Variants in CLDN16 observed in about 807,000 individuals in gnomAD.
CLDN16 encodes the protein claudin 16, also known as claudin-16.
Under a neutral mutation model 24.6 loss-of-function variants are expected in CLDN16, and 13 were observed. That is an observed-to-expected ratio of 0.53 (90% CI 0.34 to 0.84). The LOEUF (loss-of-function observed/expected upper bound fraction) is 0.84. Ranked by LOEUF, CLDN16 falls within the 40% of genes least tolerant of loss-of-function variation. The probability of loss-of-function intolerance (pLI) is 0.01; values close to 1 mark genes in which losing one functional copy is unlikely to be tolerated. For missense variants in CLDN16, 298 were observed against 292.7 expected (o/e 1.02, Z -0.13); for synonymous variants, 116 against 106.7 (o/e 1.09, Z -0.54).
At chr3:190,391,254 T>G (rs55718103) in intron 1 of CLDN16, among the ~76,000 whole-genome samples, 27,053 of 149,248 alleles carry the variant, frequency 0.18, 2,899 homozygotes, top group Middle Eastern at 0.28. Context: ...TGGCACGGGA[T>G]TTAGAAGAAG....
chr3:190,312,831 A>T, the CLDN16 span: 16 of 1,606,958 alleles, frequency 1.0e-5, no homozygotes, highest in South Asian at 1.5e-4. Context: ...TCATACCAGG[A>T]ACAGGTTAGT....
intron 1 of CLDN16, among the ~76,000 whole-genome samples, chr3:190,394,718 A>G (rs1451609519): frequency 1.3e-5 from 2 of 152,190 alleles, no homozygotes. Flanking sequence ...TGTTGAAAGA[A>G]TGAATATATT....
intron 1 of CLDN16, among the ~76,000 whole-genome samples, chr3:190,334,058 A>C (rs1242369850): frequency 1.3e-5 from 2 of 152,184 alleles, no homozygotes; most frequent in African/African-American, 4.8e-5. Context: ...ACATGAATGA[A>C]TCATTCATGA....
At position 190,411,700 on chromosome 3, in the gene CLDN16, C is replaced by T. The variant is rs938608167; in HGVS notation, c.*1664C>T. ...TTCGAGATTGCTGTTTATTACTTCC[C>T]AGAGTATCTTTAACAGTATTCTCTG... On this transcript the variant is annotated 3_prime_UTR_variant, in exon 5 of 5. Coordinates refer to ENST00000264734, the MANE Select transcript of CLDN16 (RefSeq NM_006580.4). 6.6e-6 allele frequency: 1 copy of T among 152,124 alleles called. No homozygotes were observed. The highest frequency in any genetic ancestry group is 1.5e-5 in the Non-Finnish European group (1 of 68,002). 9.4% of individuals were successfully genotyped at this position (152,124 alleles called of 1,614,324 possible).
intron 3 of CLDN16, among the ~76,000 whole-genome samples, chr3:190,407,510 A>T (rs1719136399): frequency 6.6e-6 from 1 of 152,180 alleles, no homozygotes; most frequent in South Asian, 2.1e-4. Flanking sequence ...ATATTTTAAA[A>T]ACACTCTTTT....
At chr3:190,324,212 G>C (rs953627387) in intron 1 of CLDN16, among the ~76,000 whole-genome samples, 1 of 152,216 alleles carries the variant, frequency 6.6e-6, no homozygotes, top group African/African-American at 2.4e-5. Context: ...GCCAGGCGCA[G>C]TGGCTCACGC....
intron 1 of CLDN16, among the ~76,000 whole-genome samples, chr3:190,391,136 G>C (rs1429988657): frequency 1.4e-5 from 2 of 141,264 alleles, no homozygotes; most frequent in Non-Finnish European, 3.1e-5. Flanking sequence ...GTTTTGTTTT[G>C]TTTTGATTTT....
intron 1 of CLDN16, among the ~76,000 whole-genome samples, chr3:190,397,975 G>T (rs1718861803): frequency 6.6e-6 from 1 of 152,218 alleles, no homozygotes; most frequent in Non-Finnish European, 1.5e-5. Context: ...TGACAGGAAT[G>T]ACCATAGTAG....
rs114299357 is a variant in CLDN16, at chr3:190,405,974, T to C, written c.382+1048T>C. On this transcript the variant is annotated intron_variant, in intron 3 of 4. Coordinates refer to ENST00000264734, the MANE Select transcript of CLDN16 (RefSeq NM_006580.4). ...TGTCTGCTAACAAAGCGAATATAAG[T>C]GGCAGCCTGACCAGGCAGTGTGGGG... 2.5e-3 allele frequency among the ~76,000 whole-genome samples: 381 copies of C among 152,278 alleles called. 2 individuals are homozygous for C. Among genetic ancestry groups the C allele is most frequent in the African/African-American group, 8.9e-3 (371 of 41,546 alleles).
At chr3:190,347,111 C>A (rs1717567553) in intron 1 of CLDN16, among the ~76,000 whole-genome samples, 1 of 152,014 alleles carries the variant, frequency 6.6e-6, no homozygotes, top group African/African-American at 2.4e-5. Flanking sequence ...AAAAATATGT[C>A]CAAGGTCACA....
At chr3:190,345,620 C>G (rs1380103699) in intron 1 of CLDN16, among the ~76,000 whole-genome samples, 1 of 152,162 alleles carries the variant, frequency 6.6e-6, no homozygotes, top group Admixed American at 6.5e-5. Context: ...TCTAGAAAGA[C>G]TCTTTGATGA....
At chr3:190,366,923 G>A (rs11709694) in intron 1 of CLDN16, among the ~76,000 whole-genome samples, 28,648 of 151,832 alleles carry the variant, frequency 0.19, 2,879 homozygotes, top group East Asian at 0.3. Flanking sequence ...AATATGAGCT[G>A]AGACCTCCAA....
intron 1 of CLDN16, among the ~76,000 whole-genome samples, chr3:190,338,566 G>A (rs1191069975): frequency 2.0e-5 from 3 of 152,182 alleles, no homozygotes; most frequent in African/African-American, 7.2e-5. Flanking sequence ...TCTCAGGGAT[G>A]AGTGTCTGAG....
At chr3:190,313,157 G>A in the CLDN16 span, 1 of 1,124,152 alleles carries the variant, frequency 8.9e-7, no homozygotes, top group Non-Finnish European at 1.3e-6. Flanking sequence ...GGAATCTAGA[G>A]ACCCCAGTCA....
intron 1 of CLDN16, among the ~76,000 whole-genome samples, chr3:190,365,497 C>G (rs780547979): frequency 6.7e-5 from 10 of 149,422 alleles, no homozygotes; most frequent in South Asian, 2.2e-4. Flanking sequence ...TTTTGGTCAC[C>G]ATCTTCCGTG....
At position 190,410,023 on chromosome 3, in the gene CLDN16, A is replaced by G; in HGVS notation, c.695A>G (p.Asp232Gly). The change falls in exon 5 of 5, where the codon GAC becomes GGC. Residue 232 changes from aspartate (D) to glycine (G), a missense_variant. By Grantham distance (94) the Asp-to-Gly change is moderately conservative. Coordinates refer to ENST00000264734, the MANE Select transcript of CLDN16 (RefSeq NM_006580.4). Reference protein sequence around the residue: ...RTETAKMYAVDTRV With the variant: ...RTETAKMYAVGTRV The stretch of plus-strand genomic sequence containing the variant: ...GAGACGGCCAAAATGTATGCTGTAG[A>G]CACAAGGGTGTAAAATGCACGTTTC... The G allele has an allele frequency of 6.2e-7, 1 of 1,614,146 alleles. No homozygotes were observed. Among genetic ancestry groups the G allele is most frequent in the South Asian group, 1.1e-5 (1 of 91,086 alleles).
At chr3:190,370,055 A>C (rs1354380196) in intron 1 of CLDN16, among the ~76,000 whole-genome samples, 1 of 151,982 alleles carries the variant, frequency 6.6e-6, no homozygotes, top group African/African-American at 2.4e-5. Flanking sequence ...GATAGGTATG[A>C]CAACGTAGTA....
chr3:190,389,653 G>A (rs556702899), intron 1 of CLDN16, among the ~76,000 whole-genome samples: 2 of 130,496 alleles, frequency 1.5e-5, no homozygotes, highest in South Asian at 2.3e-4. Flanking sequence ...TACTGTAAAG[G>A]ATGTCTGCTA....
chr3:190,390,536 A>AAG (rs1718623484), intron 1 of CLDN16, among the ~76,000 whole-genome samples: 5 of 151,598 alleles, frequency 3.3e-5, no homozygotes, highest in Non-Finnish European at 5.9e-5. Flanking sequence ...CCATCTTAAA[A>AAG]AAGAAGAAGA....
Sources: allele counts gnomAD v4.1 joint callset (sites outside exome capture counted in the v4.1 genomes callset), GRCh38; gene constraint gnomAD v4.1.1; transcripts MANE v1.5; gene names NCBI Gene and HGNC (gene_info 2026-07-23, HGNC 2026-07-21).